The following NPAS3 variants were observed in gnomAD, a reference collection of about 807,000 sequenced individuals.
The protein encoded by NPAS3 is neuronal PAS domain protein 3.
In NPAS3, 14 loss-of-function variants were observed where a neutral mutation model predicts 73.1. The observed-to-expected ratio is 0.19, with a 90% CI of 0.13 to 0.30. The LOEUF is 0.30. Ranked by LOEUF, NPAS3 falls within the 10% of genes least tolerant of loss-of-function variation. NPAS3 has a pLI of 1.00. For missense variants in NPAS3, 1,096 were observed against 1,250.0 expected, an observed-to-expected ratio of 0.88 and a Z score of 1.86; for synonymous variants, 620 against 541.5, an observed-to-expected ratio of 1.14 and a Z score of -2.01.
In NPAS3 at chr14:33,350,943, C is replaced by G. The variant is rs1012284609; in HGVS notation, c.386-16243C>G. Reference sequence around the variant, plus strand: ...AGGATCTTCTACGGTTTTAGTGCAGCAATTTATCTGAGTTTTGTGGTTAAA... The same window carrying G: ...AGGATCTTCTACGGTTTTAGTGCAGGAATTTATCTGAGTTTTGTGGTTAAA... On this transcript the variant is annotated intron_variant, in intron 3 of 11. Transcript: ENST00000356141. Among the ~76,000 whole-genome samples the G allele has an allele frequency of 1.6e-4, 24 of 152,268 alleles. No homozygotes were observed. In the South Asian group the frequency reaches 2.3e-3, roughly 14 times the overall value.
chr14:33,171,925 T>C (rs560024791), intron 2 of NPAS3, among the ~76,000 whole-genome samples: 1 of 152,250 alleles, frequency 6.6e-6, no homozygotes, highest in South Asian at 2.1e-4. Flanking sequence ...GGGGTACTAA[T>C]TGGCCTAGTT....
chr14:33,551,344 C>A (rs1484091727), intron 4 of NPAS3, among the ~76,000 whole-genome samples: 1 of 152,112 alleles, frequency 6.6e-6, no homozygotes, highest in Non-Finnish European at 1.5e-5. Flanking sequence ...TAAAGAAATA[C>A]CTGTACAAAG....
At chr14:33,158,928 T>C (rs112921295) in intron 2 of NPAS3, among the ~76,000 whole-genome samples, 3,514 of 152,194 alleles carry the variant, frequency 0.023, 93 homozygotes, top group African/African-American at 0.068. Context: ...TTTGAGAGGC[T>C]AAGGTGGGTA....
intron 1 of NPAS3, among the ~76,000 whole-genome samples, chr14:33,035,950 A>G (rs2040152244): frequency 6.6e-6 from 1 of 152,210 alleles, no homozygotes; most frequent in Non-Finnish European, 1.5e-5. Context: ...AAATAGGATG[A>G]CAAAAACAAA....
intron 3 of NPAS3, among the ~76,000 whole-genome samples, chr14:33,284,187 T>C (rs1566757222): frequency 6.6e-6 from 1 of 152,116 alleles, no homozygotes; most frequent in Non-Finnish European, 1.5e-5. Flanking sequence ...CCAACAGATA[T>C]TAGAGGAAGA....
chr14:33,438,818 T>G (rs2049105549), intron 4 of NPAS3, among the ~76,000 whole-genome samples: 1 of 152,174 alleles, frequency 6.6e-6, no homozygotes, highest in Non-Finnish European at 1.5e-5. Flanking sequence ...GGTTAATAGA[T>G]GACAGAGATG....
intron 1 of NPAS3, among the ~76,000 whole-genome samples, chr14:32,964,346 G>T (rs2037060218): frequency 6.6e-6 from 1 of 151,956 alleles, no homozygotes; most frequent in African/African-American, 2.4e-5. Context: ...AATTACCAAG[G>T]TCATATAACT....
intron 1 of NPAS3, among the ~76,000 whole-genome samples, chr14:33,034,512 A>ATATATTAATAGAGTTAATATATG: frequency 6.6e-6 from 1 of 151,428 alleles, no homozygotes; most frequent in Non-Finnish European, 1.5e-5. Flanking sequence ...GTTAATATAT[A>ATATATTAATAGAGTTAATATATG]CCATATATTA....
intron 5 of NPAS3, among the ~76,000 whole-genome samples, chr14:33,573,200 T>G (rs78927789): frequency 0.028 from 4,193 of 151,932 alleles, 193 homozygotes; most frequent in East Asian, 0.21. Flanking sequence ...CAAACCCAGG[T>G]TTCCCATGAC....
chr14:33,772,999 T>C (rs1170484795), intron 7 of NPAS3, among the ~76,000 whole-genome samples: 1 of 152,164 alleles, frequency 6.6e-6, no homozygotes, highest in African/African-American at 2.4e-5. Flanking sequence ...CAGCTAGAAC[T>C]CTGAAGGGCA....
At chr14:33,803,710 G>A (rs1177590370), downstream of NPAS3, 6 of 141,742 alleles carry the variant, frequency 4.2e-5, no homozygotes, top group Non-Finnish European at 6.2e-5. Flanking sequence ...ATTACAAAAT[G>A]AAAAAAAAAA....
chr14:33,726,923 C>T (rs1345816208), intron 6 of NPAS3, among the ~76,000 whole-genome samples: 1 of 152,136 alleles, frequency 6.6e-6, no homozygotes, highest in Non-Finnish European at 1.5e-5. Flanking sequence ...GAGAGTGACA[C>T]TTGCGTACCA....
chr14:33,121,830 AT>A (rs1476214355), intron 2 of NPAS3, among the ~76,000 whole-genome samples: 1 of 152,198 alleles, frequency 6.6e-6, no homozygotes, highest in East Asian at 1.9e-4. Flanking sequence ...ACTCAGGTGA[AT>A]TAAAAAATGT....
chr14:33,351,327 C>G (rs2045040341), intron 3 of NPAS3, among the ~76,000 whole-genome samples: 1 of 152,124 alleles, frequency 6.6e-6, no homozygotes, highest in Non-Finnish European at 1.5e-5. Flanking sequence ...CCGATGAGGA[C>G]TGGGGAACAG....
intron 4 of NPAS3, among the ~76,000 whole-genome samples, chr14:33,487,871 A>C (rs1402479616): frequency 6.6e-6 from 1 of 152,214 alleles, no homozygotes; most frequent in Non-Finnish European, 1.5e-5. Flanking sequence ...TCATGAGTTA[A>C]CCATGGAGTT....
At chr14:32,979,821 A>G (rs1303138976) in intron 1 of NPAS3, among the ~76,000 whole-genome samples, 2 of 152,148 alleles carry the variant, frequency 1.3e-5, no homozygotes, top group East Asian at 3.9e-4. Flanking sequence ...AAGGAGTAAA[A>G]CCACTTGGCC....
intron 4 of NPAS3, among the ~76,000 whole-genome samples, chr14:33,509,324 G>C (rs1379758986): frequency 6.6e-6 from 1 of 151,988 alleles, no homozygotes; most frequent in Non-Finnish European, 1.5e-5. Context: ...CGCTATAAAG[G>C]AGTTGAGCAA....
chr14:33,786,903 G>T (rs2063190945), intron 9 of NPAS3, among the ~76,000 whole-genome samples: 1 of 152,010 alleles, frequency 6.6e-6, no homozygotes, highest in African/African-American at 2.4e-5. Flanking sequence ...TGCACACTCT[G>T]ATATCCCCCA....
At chr14:33,512,188 TATC>T (rs1193157841) in intron 4 of NPAS3, among the ~76,000 whole-genome samples, 1 of 152,128 alleles carries the variant, frequency 6.6e-6, no homozygotes, top group African/African-American at 2.4e-5. Context: ...GCATTTTTAA[TATC>T]ATACTAATTT....
Sources: gnomAD v4.1 joint callset for allele counts (sites outside exome capture counted in the v4.1 genomes callset) on GRCh38, gnomAD v4.1.1 for gene constraint, MANE v1.5 for transcripts, NCBI Gene and HGNC (gene_info 2026-07-23, HGNC 2026-07-21) for gene names.